ASTN2: variants seen among roughly 807,000 people sequenced by gnomAD.
ASTN2 encodes astrotactin 2.
Under a neutral mutation model 139.8 loss-of-function variants are expected in ASTN2, and 54 were observed. The observed-to-expected ratio is 0.39, with a 90% CI of 0.31 to 0.48. The LOEUF is 0.48. ASTN2 is among the 20% of genes least tolerant of loss of function. The pLI is 0.95. For synonymous variants in ASTN2, 756 were observed against 719.5 expected, an observed-to-expected ratio of 1.05 and a Z score of -0.81; for missense variants, 1,565 against 1,725.1, an observed-to-expected ratio of 0.91 and a Z score of 1.64.
rs561108109 is a variant in ASTN2 at position 117,119,958 on chromosome 9, G to A, written c.1168+21368C>T. On this transcript the variant is annotated intron_variant, in intron 4 of 22. Coordinates refer to ENST00000313400, the MANE Select transcript of ASTN2 (RefSeq NM_001365068.1). The stretch of plus-strand genomic sequence containing the variant: ...ACACAGCTATTATTTCATATGAAAG[G>A]AAATCATATATAGATATCTCTATAT... Among the ~76,000 whole-genome samples the A allele has an allele frequency of 1.1e-3, 154 of 140,586 alleles. 1 individual carries two copies. Among genetic ancestry groups the A allele is most frequent in the African/African-American group, 4.0e-3 (152 of 37,662 alleles). 92.2% of individuals were successfully genotyped at this position (140,586 alleles called of 152,430 possible).
At chr9:117,019,572 G>A (rs1168432305) in intron 6 of ASTN2, among the ~76,000 whole-genome samples, 1 of 152,130 alleles carries the variant, frequency 6.6e-6, no homozygotes, top group Non-Finnish European at 1.5e-5. Flanking sequence ...TTCTGGGAAA[G>A]GTAAGGAGAT....
chr9:117,202,114 G>T (rs897861881), intron 3 of ASTN2, among the ~76,000 whole-genome samples: 5 of 151,938 alleles, frequency 3.3e-5, no homozygotes, highest in African/African-American at 9.7e-5. Flanking sequence ...TGTCTTTTTT[G>T]ATCTTTGTTG....
intron 1 of ASTN2, among the ~76,000 whole-genome samples, chr9:117,350,108 G>T (rs572746798): frequency 6.6e-6 from 1 of 152,162 alleles, no homozygotes; most frequent in African/African-American, 2.4e-5. Flanking sequence ...TGGGTAAGTG[G>T]TATATAGAAA....
intron 19 of ASTN2, among the ~76,000 whole-genome samples, chr9:116,532,464 A>T (rs1293260454): frequency 2.0e-5 from 3 of 152,204 alleles, no homozygotes; most frequent in African/African-American, 7.2e-5. Context: ...GGTATTGCCT[A>T]GGATTTCTTC....
chr9:117,186,052 T>G (rs1438278710), intron 3 of ASTN2, among the ~76,000 whole-genome samples: 1 of 152,188 alleles, frequency 6.6e-6, no homozygotes, highest in Non-Finnish European at 1.5e-5. Flanking sequence ...CTTCAAATCC[T>G]GGGTCTAATA....
chr9:117,269,008 G>A (rs551779033), intron 2 of ASTN2, among the ~76,000 whole-genome samples: 30 of 152,338 alleles, frequency 2.0e-4, no homozygotes, highest in African/African-American at 7.2e-4. Flanking sequence ...GGTGAATTAA[G>A]TAGCAGAGCA....
chr9:116,531,565 T>C (rs997330085), intron 19 of ASTN2, among the ~76,000 whole-genome samples: 2 of 137,970 alleles, frequency 1.4e-5, no homozygotes, highest in East Asian at 2.5e-4. Flanking sequence ...CCTTCCTGTG[T>C]CCAAGTGTTC....
At chr9:116,606,179 C>A (rs893011580) in intron 19 of ASTN2, among the ~76,000 whole-genome samples, 2 of 152,118 alleles carry the variant, frequency 1.3e-5, no homozygotes, top group Non-Finnish European at 2.9e-5. Flanking sequence ...CCACCCCCCA[C>A]AACAAGCCCC....
At chr9:117,078,679 G>T (rs913025623) in intron 5 of ASTN2, among the ~76,000 whole-genome samples, 1 of 152,104 alleles carries the variant, frequency 6.6e-6, no homozygotes, top group African/African-American at 2.4e-5. Context: ...TCTATGCCTT[G>T]GTTCCTTAAG....
Position 116,884,819 on chromosome 9 carries a change from C to CT in ASTN2, c.1890-21087dup, listed in dbSNP as rs758275616. On this transcript the variant is annotated intron_variant, in intron 10 of 22. Transcript: ENST00000313400. ...CAAATATCCGCCCCCCCCCCACCCA[C>CT]TTTTTTTTTTTTTTGAGACGGAGTC... 2.2e-3 allele frequency among the ~76,000 whole-genome samples: 276 copies of CT among 127,210 alleles called. 3 individuals are homozygous for CT. The highest frequency in any genetic ancestry group is 5.1e-3 in the African/African-American group (171 of 33,652). The allele number at this position is 127,210 out of a possible 152,430, so 83.5% of individuals were successfully genotyped here. A position where few individuals can be genotyped will look rare whatever the true frequency, so the allele number is the denominator to read the frequency against.
rs117579154 is a variant in ASTN2 at position 116,722,340 on chromosome 9, A to G, written c.2806+3431T>C. 8.3e-3 allele frequency among the ~76,000 whole-genome samples: 1,257 copies of G among 152,344 alleles called. 11 individuals are homozygous for G. Among genetic ancestry groups the G allele is most frequent in the Non-Finnish European group, 0.014 (927 of 68,036 alleles). On this transcript the variant is annotated intron_variant, in intron 16 of 22. Coordinates refer to ENST00000313400, the MANE Select transcript of ASTN2 (RefSeq NM_001365068.1). Reference sequence around the variant, plus strand: ...ATGACTTTATTTTCCCACACAATGTACCTTTAGAAACACTTAGGGGAATGA... The same window carrying G: ...ATGACTTTATTTTCCCACACAATGTGCCTTTAGAAACACTTAGGGGAATGA...
chr9:116,505,807 C>T (rs1449889388), intron 19 of ASTN2, among the ~76,000 whole-genome samples: 1 of 152,098 alleles, frequency 6.6e-6, no homozygotes, highest in African/African-American at 2.4e-5. Context: ...TGACTGTGCC[C>T]TCCTTGGTGC....
intron 3 of ASTN2, among the ~76,000 whole-genome samples, chr9:117,200,866 A>G (rs7021877): frequency 0.98 from 148,645 of 152,232 alleles, 72,587 homozygotes; most frequent in Non-Finnish European, 0.99. Flanking sequence ...TCAGGATGAT[A>G]CTGGCTTCAT....
At chr9:117,251,022 G>A (rs765968334) in intron 2 of ASTN2, among the ~76,000 whole-genome samples, 18 of 152,172 alleles carry the variant, frequency 1.2e-4, no homozygotes, top group Admixed American at 6.5e-4. Context: ...GGCCACAGGT[G>A]AGGCTGAATC....
intron 1 of ASTN2, among the ~76,000 whole-genome samples, chr9:117,336,127 T>C (rs1828876103): frequency 6.6e-6 from 1 of 151,342 alleles, no homozygotes; most frequent in Admixed American, 6.6e-5. Flanking sequence ...TTTCTAAGTC[T>C]GTCTGTAAAA....
intron 13 of ASTN2, among the ~76,000 whole-genome samples, chr9:116,773,836 A>G (rs994752905): frequency 1.3e-5 from 2 of 152,066 alleles, no homozygotes; most frequent in Non-Finnish European, 2.9e-5. Context: ...TTTCCCTCCT[A>G]CAGATACAGA....
intron 19 of ASTN2, among the ~76,000 whole-genome samples, chr9:116,502,682 A>AGAAGGAAGGAAAGAAG (rs1849912095): frequency 1.0e-5 from 1 of 96,450 alleles, no homozygotes; most frequent in Non-Finnish European, 2.1e-5. Context: ...AAGAAAGGAA[A>AGAAGGAAGGAAAGAAG]GAAGGAAGGA....
At chr9:116,840,464 C>T (rs10983374) in intron 11 of ASTN2, among the ~76,000 whole-genome samples, 10,080 of 145,114 alleles carry the variant, frequency 0.069, 314 homozygotes, top group East Asian at 0.2. Context: ...CGGGCAGAGG[C>T]GCCCCTCACC....
At chr9:117,115,232 G>C (rs1231571837) in intron 4 of ASTN2, among the ~76,000 whole-genome samples, 1 of 152,148 alleles carries the variant, frequency 6.6e-6, no homozygotes, top group African/African-American at 2.4e-5. Context: ...ATCTATTCTA[G>C]GCCGGGCAAT....
Sources: gnomAD v4.1 joint callset for allele counts (sites outside exome capture counted in the v4.1 genomes callset) on GRCh38, gnomAD v4.1.1 for gene constraint, MANE v1.5 for transcripts, NCBI Gene and HGNC (gene_info 2026-07-23, HGNC 2026-07-21) for gene names.